The following CSMD2 variants were observed in gnomAD, a reference collection of about 807,000 sequenced individuals.
CSMD2 encodes CUB and Sushi multiple domains 2, also known as CUB and sushi domain-containing protein 2.
A neutral mutation model predicts 398.5 loss-of-function variants in CSMD2; 130 were observed. The ratio of observed to expected loss-of-function variants is 0.33; its 90% CI spans 0.28 to 0.38. The LOEUF is 0.38. CSMD2 is among the 10% of genes least tolerant of loss of function. The probability of loss-of-function intolerance (pLI) is 1.00; values close to 1 mark genes in which losing one functional copy is unlikely to be tolerated. For missense variants in CSMD2, 3,829 were observed against 4,764.9 expected (o/e 0.80, Z 5.78); for synonymous variants, 1,828 against 1,908.5 (o/e 0.96, Z 1.10).
intron 46 of CSMD2, among the ~76,000 whole-genome samples, chr1:33,584,515 C>A (rs888656295): frequency 6.6e-6 from 1 of 152,012 alleles, no homozygotes; most frequent in African/African-American, 2.4e-5. Context: ...ACTAAAAATA[C>A]AAAAATTAGC....
At chr1:34,093,000 A>G (rs983078619) in intron 1 of CSMD2, among the ~76,000 whole-genome samples, 4 of 152,162 alleles carry the variant, frequency 2.6e-5, no homozygotes, top group South Asian at 2.1e-4. Context: ...GCAGACTTAA[A>G]TGTCCCTGTC....
chr1:33,828,205 GAACACT>G (rs1282690696), intron 6 of CSMD2, among the ~76,000 whole-genome samples: 1 of 152,192 alleles, frequency 6.6e-6, no homozygotes, highest in African/African-American at 2.4e-5. Context: ...AATTTCCAAT[GAACACT>G]AACATGGACA....
At chr1:33,605,608 T>A in intron 41 of CSMD2, 138 bp from the exon 42 acceptor site, 1 of 898,378 alleles carries the variant, frequency 1.1e-6, no homozygotes, top group Non-Finnish European at 1.7e-6. Flanking sequence ...TTTGGGTAAG[T>A]AATTTAACTT....
chr1:33,733,110 C>G (rs188768244), intron 15 of CSMD2, among the ~76,000 whole-genome samples: 6 of 152,180 alleles, frequency 3.9e-5, no homozygotes, highest in African/African-American at 1.4e-4. Flanking sequence ...GCTTCTGTAA[C>G]GGGATGTAGG....
chr1:34,037,469 A>G (rs181013974), intron 2 of CSMD2, among the ~76,000 whole-genome samples: 3 of 150,968 alleles, frequency 2.0e-5, no homozygotes, highest in East Asian at 1.9e-4. Context: ...GACTGACATC[A>G]TCCCATTGTA....
intron 25 of CSMD2, among the ~76,000 whole-genome samples, chr1:33,666,894 G>A (rs534988703): frequency 2.6e-4 from 40 of 152,200 alleles, no homozygotes; most frequent in African/African-American, 9.1e-4. Flanking sequence ...ACATCGGTGT[G>A]GGCCACACTC....
chr1:33,769,979 G>A (rs149321220), intron 13 of CSMD2, among the ~76,000 whole-genome samples: 2,808 of 152,186 alleles, frequency 0.018, 36 homozygotes, highest in South Asian at 0.028. Flanking sequence ...TATTTTTATA[G>A]ATGTTTATAG....
intron 4 of CSMD2, 29 bp from the exon 5 acceptor site, chr1:33,918,330 T>G (rs757863684): frequency 3.1e-6 from 5 of 1,603,484 alleles, no homozygotes; most frequent in Non-Finnish European, 4.3e-6. Context: ...GAGGCTTACA[T>G]GAGTAGTCTG....
At chr1:34,109,684 GA>G (rs957844571) in intron 1 of CSMD2, among the ~76,000 whole-genome samples, 6 of 150,576 alleles carry the variant, frequency 4.0e-5, no homozygotes, top group Admixed American at 6.6e-5. Flanking sequence ...AAATTTACAA[GA>G]AAAAAATAAA....
intron 24 of CSMD2, among the ~76,000 whole-genome samples, chr1:33,697,261 C>A (rs1292690132): frequency 1.3e-5 from 2 of 152,136 alleles, no homozygotes; most frequent in Non-Finnish European, 2.9e-5. Flanking sequence ...TGTGTTTATG[C>A]AAGCATCACC....
chr1:34,021,084 C>T (rs1473600518), intron 3 of CSMD2, among the ~76,000 whole-genome samples: 1 of 152,128 alleles, frequency 6.6e-6, no homozygotes, highest in Non-Finnish European at 1.5e-5. Flanking sequence ...CAGTTATTCA[C>T]ATTAATGAAG....
At chr1:34,095,543 G>A (rs1416454673) in intron 1 of CSMD2, among the ~76,000 whole-genome samples, 140 of 151,646 alleles carry the variant, frequency 9.2e-4, no homozygotes, top group African/African-American at 3.1e-3. Context: ...AGAGAGAAGA[G>A]TCAAATAGAC....
chr1:33,994,959 G>A (rs1646679072), intron 3 of CSMD2, among the ~76,000 whole-genome samples: 2 of 151,914 alleles, frequency 1.3e-5, no homozygotes, highest in African/African-American at 4.8e-5. Context: ...AGCTACTCAG[G>A]AGACTGAGGC....
rs549319661 is a variant in CSMD2, at chr1:33,623,027, C to T, written c.5722+343G>A. ...AAAACATCACGTTAAGTGAAAGAAG[C>T]CAAACACAGAAGGCTTCCATTTATA... is the stretch of plus-strand genomic sequence containing the variant. On this transcript the variant is annotated intron_variant, in intron 36 of 70. Coordinates refer to ENST00000373381, the MANE Select transcript of CSMD2 (RefSeq NM_001281956.2). 2.6e-5 allele frequency among the ~76,000 whole-genome samples: 4 copies of T among 152,286 alleles called. No individual in the cohort carries two copies. In the East Asian group the frequency reaches 7.7e-4, roughly 29 times the overall value.
At position 33,938,927 on chromosome 1, in the gene CSMD2, C is replaced by A. The variant is rs1188204426; in HGVS notation, c.518-2973G>T. Among the ~76,000 whole-genome samples the A allele has an allele frequency of 2.0e-5, 3 of 151,902 alleles. No homozygotes were observed. In the East Asian group the frequency reaches 5.8e-4, roughly 29 times the overall value. On this transcript the variant is annotated intron_variant, in intron 3 of 70. Transcript: ENST00000373381. ...ATTTCCCATGATCCCTTGCTGCTGA[C>A]TTACTTGGCATTTCCCATCATCCCA...
intron 44 of CSMD2, 41 bp downstream of exon 44, chr1:33,600,824 A>G: frequency 6.2e-7 from 1 of 1,605,766 alleles, no homozygotes; most frequent in Non-Finnish European, 8.5e-7. Flanking sequence ...CCTTGACTTG[A>G]AAGCCTGGCC....
intron 25 of CSMD2, among the ~76,000 whole-genome samples, chr1:33,679,914 T>G (rs1644847095): frequency 8.7e-6 from 1 of 114,552 alleles, no homozygotes; most frequent in African/African-American, 3.3e-5. Flanking sequence ...TAACCTTGAA[T>G]TTTACTTTTT....
chr1:33,614,868 C>T (rs961994113), intron 39 of CSMD2, among the ~76,000 whole-genome samples: 1 of 152,206 alleles, frequency 6.6e-6, no homozygotes, highest in Non-Finnish European at 1.5e-5. Context: ...GACTCTTGAC[C>T]TTGAACATGC....
At chr1:34,058,282 G>A (rs1268783257) in intron 2 of CSMD2, among the ~76,000 whole-genome samples, 1 of 152,104 alleles carries the variant, frequency 6.6e-6, no homozygotes, top group African/African-American at 2.4e-5. Context: ...CCTGCAAAAT[G>A]GAGATGACAG....
Sources: gnomAD v4.1 joint callset for allele counts (sites outside exome capture counted in the v4.1 genomes callset) on GRCh38, gnomAD v4.1.1 for gene constraint, MANE v1.5 for transcripts, NCBI Gene and HGNC (gene_info 2026-07-23, HGNC 2026-07-21) for gene names.